The following PRKG1 variants were observed in gnomAD, a reference collection of about 807,000 sequenced individuals.
The protein encoded by PRKG1 is protein kinase cGMP-dependent 1.
PRKG1 carries 35 observed loss-of-function variants against 88.1 expected under a neutral mutation model. The observed-to-expected ratio is 0.40, with a 90% CI of 0.30 to 0.53. The LOEUF is 0.53. Among genes scored for constraint, PRKG1 ranks in the 20% least tolerant of loss-of-function variants. The probability of loss-of-function intolerance (pLI) is 0.59; values close to 1 mark genes in which losing one functional copy is unlikely to be tolerated. For synonymous variants in PRKG1, 303 were observed against 292.5 expected (o/e 1.04, Z -0.37); for missense variants, 540 against 839.8 (o/e 0.64, Z 4.41).
chr10:52,251,043 G>A (rs896179904), intron 9 of PRKG1, among the ~76,000 whole-genome samples: 8 of 151,964 alleles, frequency 5.3e-5, no homozygotes, highest in Non-Finnish European at 7.4e-5. Context: ...TCAGCTTCTC[G>A]GATCTGTTTT....
chr10:51,029,870 C>A (rs927705272), intron 1 of PRKG1, among the ~76,000 whole-genome samples: 10 of 152,000 alleles, frequency 6.6e-5, no homozygotes, highest in African/African-American at 2.4e-4. Context: ...GGCTGTGTAA[C>A]CTGGGGCAAG....
intron 5 of PRKG1, among the ~76,000 whole-genome samples, chr10:52,012,532 G>A (rs575220428): frequency 2.6e-4 from 39 of 151,924 alleles, no homozygotes; most frequent in South Asian, 6.3e-4. Context: ...GTGAGCCACC[G>A]CGCCCAGCCG....
At chr10:51,080,297 A>G (rs1287522446) in intron 1 of PRKG1, among the ~76,000 whole-genome samples, 1 of 152,174 alleles carries the variant, frequency 6.6e-6, no homozygotes, top group African/African-American at 2.4e-5. Context: ...TGAGAATATA[A>G]ATTACCAGCT....
At chr10:52,024,784 A>C (rs1360517079) in intron 5 of PRKG1, among the ~76,000 whole-genome samples, 3 of 152,222 alleles carry the variant, frequency 2.0e-5, no homozygotes, top group Non-Finnish European at 2.9e-5. Flanking sequence ...GTGCTGCAAT[A>C]AACATACGTG....
intron 3 of PRKG1, among the ~76,000 whole-genome samples, chr10:51,488,409 A>G (rs1840606929): frequency 6.6e-6 from 1 of 152,186 alleles, no homozygotes; most frequent in African/African-American, 2.4e-5. Flanking sequence ...ACATTTTAAT[A>G]AAAGGTTCTT....
chr10:51,740,438 T>A (rs527419309), intron 3 of PRKG1, among the ~76,000 whole-genome samples: 1 of 152,364 alleles, frequency 6.6e-6, no homozygotes, highest in Admixed American at 6.5e-5. Context: ...CATGTCAACT[T>A]AATATTTTTC....
intron 5 of PRKG1, among the ~76,000 whole-genome samples, chr10:52,004,394 A>G (rs539705571): frequency 6.6e-6 from 1 of 152,326 alleles, no homozygotes; most frequent in Non-Finnish European, 1.5e-5. Flanking sequence ...ATATATTAAA[A>G]CAAGATAAAG....
At chr10:51,461,019 A>AT (rs1251088836) in intron 2 of PRKG1, among the ~76,000 whole-genome samples, 1 of 152,122 alleles carries the variant, frequency 6.6e-6, no homozygotes, top group East Asian at 1.9e-4. Flanking sequence ...CATAAATGAG[A>AT]TTTTTAGTTT....
intron 4 of PRKG1, among the ~76,000 whole-genome samples, chr10:51,897,867 A>ATTTT (rs58531093): frequency 2.7e-5 from 4 of 149,366 alleles, no homozygotes; most frequent in East Asian, 2.0e-4. Flanking sequence ...TGGCAGAAGG[A>ATTTT]TTTTTTTTTT....
chr10:51,585,333 G>A (rs145387092), intron 3 of PRKG1, among the ~76,000 whole-genome samples: 1 of 152,000 alleles, frequency 6.6e-6, no homozygotes, highest in African/African-American at 2.4e-5. Context: ...GCTGATTCTG[G>A]TTGCTAAAAT....
intron 3 of PRKG1, among the ~76,000 whole-genome samples, chr10:51,792,791 T>G (rs1477269824): frequency 4.6e-5 from 7 of 152,116 alleles, no homozygotes; most frequent in Non-Finnish European, 1.0e-4. Context: ...GCTTTGACTT[T>G]TAAAGATTAC....
intron 1 of PRKG1, among the ~76,000 whole-genome samples, chr10:51,118,964 A>T (rs2339630): frequency 0.8 from 121,162 of 151,976 alleles, 48,867 homozygotes; most frequent in South Asian, 0.88. Flanking sequence ...ACATTTTAGA[A>T]AAAATAAAAA....
At chr10:51,941,118 G>C (rs943431394) in intron 5 of PRKG1, among the ~76,000 whole-genome samples, 21 of 149,502 alleles carry the variant, frequency 1.4e-4, no homozygotes, top group Non-Finnish European at 2.7e-4. Flanking sequence ...ATCAAAAACA[G>C]AGCATCTTAG....
chr10:51,962,267 A>G (rs978466935), intron 5 of PRKG1, among the ~76,000 whole-genome samples: 2 of 152,140 alleles, frequency 1.3e-5, no homozygotes, highest in Non-Finnish European at 2.9e-5. Context: ...ATACTGAGGC[A>G]TTCAGAATGG....
At chr10:51,589,262 T>A (rs1394832112) in intron 3 of PRKG1, among the ~76,000 whole-genome samples, 1 of 152,160 alleles carries the variant, frequency 6.6e-6, no homozygotes, top group South Asian at 2.1e-4. Flanking sequence ...CTGCCATGTG[T>A]GTAAGGTTTC....
intron 10 of PRKG1, among the ~76,000 whole-genome samples, chr10:52,269,578 G>C (rs1396472171): frequency 6.6e-6 from 1 of 152,116 alleles, no homozygotes; most frequent in East Asian, 1.9e-4. Flanking sequence ...TAAGACCTTC[G>C]CTATCCCTGC....
At chr10:51,814,392 A>C (rs1343809) in intron 4 of PRKG1, among the ~76,000 whole-genome samples, 32,555 of 152,024 alleles carry the variant, frequency 0.21, 5,605 homozygotes, top group African/African-American at 0.48. Context: ...AGAGATGGGA[A>C]AGAGAAGGTG....
intron 7 of PRKG1, among the ~76,000 whole-genome samples, chr10:52,120,015 GAGACAGAGGC>G (rs1397217569): frequency 6.6e-6 from 1 of 151,766 alleles, no homozygotes; most frequent in African/African-American, 2.4e-5. Context: ...CAGAGAGAGA[GAGACAGAGGC>G]AGAGAGACAG....
intron 9 of PRKG1, among the ~76,000 whole-genome samples, chr10:52,180,682 G>C (rs2132727085): frequency 6.6e-6 from 1 of 152,298 alleles, no homozygotes; most frequent in South Asian, 2.1e-4. Context: ...TAGTGGCCTA[G>C]GCTGAGGATT....
Sources: allele counts gnomAD v4.1 joint callset (sites outside exome capture counted in the v4.1 genomes callset), GRCh38; gene constraint gnomAD v4.1.1; transcripts MANE v1.5; gene names NCBI Gene and HGNC (gene_info 2026-07-23, HGNC 2026-07-21).